CTNNA2: variants seen among roughly 807,000 people sequenced by gnomAD.
The protein encoded by CTNNA2 is catenin alpha-2.
A neutral mutation model predicts 101.0 loss-of-function variants in CTNNA2; 42 were observed. The observed-to-expected ratio is 0.42, with a 90% CI of 0.32 to 0.54. CTNNA2 has a LOEUF of 0.54. CTNNA2 is among the 20% of genes least tolerant of loss of function. The pLI, the probability that CTNNA2 is intolerant of heterozygous loss-of-function variation, is 0.14. For synonymous variants in CTNNA2, 450 were observed against 456.4 expected (o/e 0.99, Z 0.18); for missense variants, 871 against 1,223.1 (o/e 0.71, Z 4.29).
In CTNNA2 at chr2:80,589,910, G is replaced by GCA. The variant is rs1558621261; in HGVS notation, c.2189+426_2189+427insAC. Among the ~76,000 whole-genome samples the GCA allele has an allele frequency of 4.0e-5, 6 of 151,836 alleles. No individual in the cohort carries two copies. In the East Asian group the frequency reaches 9.7e-4, roughly 25 times the overall value. On this transcript the variant is annotated intron_variant, in intron 15 of 18. Transcript: ENST00000402739. ...TGTGTGTGTGTGTGTGTGTGTGCGCGCGCGCGCATGTATACATATAGTATG... is the reference window on the plus strand; with the variant it reads ...TGTGTGTGTGTGTGTGTGTGTGCGCGCACGCGCGCATGTATACATATAGTATG...
At chr2:79,745,844 G>C (rs1671607570) in intron 3 of CTNNA2, among the ~76,000 whole-genome samples, 2 of 152,110 alleles carry the variant, frequency 1.3e-5, no homozygotes, top group African/African-American at 2.4e-5. Context: ...TGGCTCCTGG[G>C]AATAATGCTG....
chr2:80,410,653 T>G (rs921637440), intron 8 of CTNNA2, among the ~76,000 whole-genome samples: 7 of 152,178 alleles, frequency 4.6e-5, no homozygotes, highest in Non-Finnish European at 8.8e-5. Flanking sequence ...TTTAAACCAT[T>G]CTAGTAGTCA....
At chr2:79,472,714 C>G (rs1277456473) in intron 4 of CTNNA2, among the ~76,000 whole-genome samples, 1 of 152,102 alleles carries the variant, frequency 6.6e-6, no homozygotes, top group Non-Finnish European at 1.5e-5. Flanking sequence ...TCCAAACATG[C>G]TTTCTCACTT....
intron 1 of CTNNA2, among the ~76,000 whole-genome samples, chr2:79,524,094 G>T (rs545563611): frequency 6.6e-6 from 1 of 152,060 alleles, no homozygotes; most frequent in South Asian, 2.1e-4. Context: ...ATTTTCAGAA[G>T]AATATGATAA....
intron 2 of CTNNA2, among the ~76,000 whole-genome samples, chr2:79,291,906 A>G (rs1292247982): frequency 2.0e-5 from 3 of 152,146 alleles, no homozygotes; most frequent in African/African-American, 7.2e-5. Context: ...ATTGTATTGC[A>G]AAGACAAGAA....
chr2:80,035,697 GA>G (rs1469844550), intron 7 of CTNNA2, among the ~76,000 whole-genome samples: 1 of 152,120 alleles, frequency 6.6e-6, no homozygotes, highest in African/African-American at 2.4e-5. Context: ...AAAAAAGAAG[GA>G]AGTAAAATTC....
At chr2:80,136,973 A>G (rs541131289) in intron 7 of CTNNA2, among the ~76,000 whole-genome samples, 79 of 152,210 alleles carry the variant, frequency 5.2e-4, no homozygotes, top group South Asian at 1.2e-3. Flanking sequence ...CAACATGTTT[A>G]TGTTATCTTT....
intron 7 of CTNNA2, among the ~76,000 whole-genome samples, chr2:80,377,301 T>A (rs558943263): frequency 6.6e-6 from 1 of 152,328 alleles, no homozygotes; most frequent in African/African-American, 2.4e-5. Context: ...TGCCTTTCCT[T>A]AGGAAGCTTA....
intron 7 of CTNNA2, among the ~76,000 whole-genome samples, chr2:80,301,406 G>A (rs183915250): frequency 4.6e-5 from 7 of 152,352 alleles, no homozygotes; most frequent in African/African-American, 1.7e-4. Context: ...AAAGACTCAG[G>A]AGAATTAAGA....
chr2:80,092,789 G>A (rs1015899735), intron 7 of CTNNA2, among the ~76,000 whole-genome samples: 1 of 151,928 alleles, frequency 6.6e-6, no homozygotes, highest in Non-Finnish European at 1.5e-5. Flanking sequence ...TGCCATGACA[G>A]CTTCTATTCC....
chr2:79,750,720 C>T (rs544308787), intron 3 of CTNNA2, among the ~76,000 whole-genome samples: 1 of 152,072 alleles, frequency 6.6e-6, no homozygotes, highest in African/African-American at 2.4e-5. Flanking sequence ...GGCAGAAGAA[C>T]CACAACCAGG....
intron 12 of CTNNA2, among the ~76,000 whole-genome samples, chr2:80,564,101 C>A (rs537727042): frequency 9.4e-4 from 143 of 152,206 alleles, no homozygotes; most frequent in Admixed American, 1.6e-3. Flanking sequence ...GGGGATTAAA[C>A]CCTCCTTAAA....
At chr2:80,461,740 C>A (rs1459470267) in intron 9 of CTNNA2, among the ~76,000 whole-genome samples, 1 of 152,116 alleles carries the variant, frequency 6.6e-6, no homozygotes, top group African/African-American at 2.4e-5. Flanking sequence ...AGTCTCACTG[C>A]TTTGTGGCCA....
chr2:80,061,786 T>G (rs1214250385), intron 7 of CTNNA2, among the ~76,000 whole-genome samples: 2 of 152,222 alleles, frequency 1.3e-5, no homozygotes, highest in Non-Finnish European at 2.9e-5. Flanking sequence ...GCCTTGGATG[T>G]GGCCTCCACT....
intron 2 of CTNNA2, among the ~76,000 whole-genome samples, chr2:79,725,276 C>T (rs1686760819): frequency 6.6e-6 from 1 of 152,128 alleles, no homozygotes. Context: ...GGTAGAGAAA[C>T]TCATATCTGG....
chr2:79,256,169 G>A (rs1674841455), intron 2 of CTNNA2, among the ~76,000 whole-genome samples: 1 of 152,138 alleles, frequency 6.6e-6, no homozygotes, highest in Non-Finnish European at 1.5e-5. Flanking sequence ...AGATGAATTG[G>A]GAGAGGAAGG....
chr2:79,331,514 AG>A (rs1676871807), intron 3 of CTNNA2, among the ~76,000 whole-genome samples: 1 of 152,162 alleles, frequency 6.6e-6, no homozygotes, highest in Admixed American at 6.5e-5. Context: ...TATGCCTTCC[AG>A]AAAATTCCTT....
At chr2:79,695,047 T>C (rs1684569495) in intron 2 of CTNNA2, among the ~76,000 whole-genome samples, 1 of 151,414 alleles carries the variant, frequency 6.6e-6, no homozygotes. Flanking sequence ...TGGGGTATTA[T>C]GTGAAAAGAA....
In CTNNA2 at chr2:79,431,653, T is replaced by C. The variant is rs184207712; in HGVS notation, c.-135+57640T>C. On this transcript the variant is annotated intron_variant, in intron 4 of 21. Transcript: ENST00000466387. ...GGACAGGGTAGAAAAATGGAATATA[T>C]GGCTAGCAGAAATGCAATCTGCAAT... Among the ~76,000 whole-genome samples, 164 of 152,286 alleles carry C rather than the reference T, an allele frequency of 1.1e-3. 1 individual carries two copies. Among genetic ancestry groups the C allele is most frequent in the Admixed American group, 2.3e-3 (35 of 15,290 alleles).
Sources: gnomAD v4.1 joint callset for allele counts (sites outside exome capture counted in the v4.1 genomes callset) on GRCh38, gnomAD v4.1.1 for gene constraint, MANE v1.5 for transcripts, NCBI Gene and HGNC (gene_info 2026-07-23, HGNC 2026-07-21) for gene names.